The following HCN1 variants were observed in gnomAD, a reference collection of about 807,000 sequenced individuals.
The protein encoded by HCN1 is potassium/sodium hyperpolarization-activated cyclic nucleotide-gated channel 1.
A neutral mutation model predicts 78.9 loss-of-function variants in HCN1; 13 were observed. That is an observed-to-expected ratio of 0.16 (90% confidence interval 0.11 to 0.26). The LOEUF (loss-of-function observed/expected upper bound fraction) is 0.26, where lower values mean the gene tolerates loss of function less well. HCN1 is among the 10% of genes least tolerant of loss of function. The probability of loss-of-function intolerance (pLI) is 1.00; values close to 1 mark genes in which losing one functional copy is unlikely to be tolerated. For missense variants in HCN1, 810 were observed against 1,154.3 expected (o/e 0.70, Z 4.32); for synonymous variants, 552 against 455.5 (o/e 1.21, Z -2.70).
At position 45,497,031 on chromosome 5, in the gene HCN1, C is replaced by T. The variant is rs547507561; in HGVS notation, c.850-35024G>A. 2.0e-5 allele frequency among the ~76,000 whole-genome samples: 3 copies of T among 152,270 alleles called. No individual in the cohort carries two copies. In the East Asian group the frequency reaches 5.8e-4, roughly 29 times the overall value. On this transcript the variant is annotated intron_variant, in intron 2 of 7. Coordinates refer to ENST00000303230, the MANE Select transcript of HCN1 (RefSeq NM_021072.4). ...AGCGGCTTTGAGTGAGATTCTTAAT[C>T]CTGAGTTCTAGTTTGATTGCACTGT...
At chr5:45,413,253 G>A (rs573924487) in intron 3 of HCN1, among the ~76,000 whole-genome samples, 10 of 151,916 alleles carry the variant, frequency 6.6e-5, no homozygotes, top group Non-Finnish European at 1.2e-4. Flanking sequence ...TCCAAGCAAA[G>A]GAATAGAGTA....
chr5:45,347,501 C>A (rs947732021), intron 5 of HCN1, among the ~76,000 whole-genome samples: 1 of 152,188 alleles, frequency 6.6e-6, no homozygotes, highest in Non-Finnish European at 1.5e-5. Flanking sequence ...AGCAACGGAA[C>A]AAAGCTGGAT....
intron 5 of HCN1, among the ~76,000 whole-genome samples, chr5:45,331,339 A>C (rs976142528): frequency 4.6e-5 from 7 of 151,238 alleles, no homozygotes; most frequent in Non-Finnish European, 1.5e-5. Flanking sequence ...CTTCCTAGGG[A>C]ACAGACACTA....
At chr5:45,284,274 C>A (rs751095807) in intron 6 of HCN1, among the ~76,000 whole-genome samples, 2 of 151,936 alleles carry the variant, frequency 1.3e-5, no homozygotes, top group Non-Finnish European at 2.9e-5. Context: ...ACAGGTGCCC[C>A]TGAAATGAAA....
At chr5:45,469,006 C>T (rs527432032) in intron 2 of HCN1, among the ~76,000 whole-genome samples, 57 of 151,864 alleles carry the variant, frequency 3.8e-4, no homozygotes, top group African/African-American at 1.2e-3. Context: ...TACCAGCTGA[C>T]AACTTGGAAT....
chr5:45,294,062 AAATTGTTAATTTGATT>A (rs1226779503), intron 6 of HCN1, among the ~76,000 whole-genome samples: 4 of 151,994 alleles, frequency 2.6e-5, no homozygotes, highest in Non-Finnish European at 5.9e-5. Flanking sequence ...TGAGCTAATC[AAATTGTTAATTTGATT>A]AACTATCAAC....
intron 2 of HCN1, among the ~76,000 whole-genome samples, chr5:45,579,490 T>C (rs1048169603): frequency 2.0e-5 from 3 of 151,988 alleles, no homozygotes; most frequent in Non-Finnish European, 2.9e-5. Flanking sequence ...GTATCTACCA[T>C]GGTCTCGCAA....
chr5:45,305,807 A>T (rs1477903043), intron 5 of HCN1, among the ~76,000 whole-genome samples: 5 of 147,508 alleles, frequency 3.4e-5, no homozygotes, highest in Non-Finnish European at 6.0e-5. Context: ...GGAAAGAAGG[A>T]ATGAAGGAAG....
chr5:45,472,571 AGAAG>A (rs547555800), intron 2 of HCN1, among the ~76,000 whole-genome samples: 3,626 of 129,504 alleles, frequency 0.028, 179 homozygotes, highest in African/African-American at 0.093. Context: ...AGGAAAGGAA[AGAAG>A]GAAGGAAGGA....
intron 2 of HCN1, among the ~76,000 whole-genome samples, chr5:45,627,995 C>T (rs558619752): frequency 6.7e-4 from 102 of 152,204 alleles, no homozygotes; most frequent in Admixed American, 1.8e-3. Flanking sequence ...AAATTTTATT[C>T]GTGAATTCTA....
intron 3 of HCN1, among the ~76,000 whole-genome samples, chr5:45,410,122 G>C (rs1307224204): frequency 1.3e-5 from 2 of 151,906 alleles, no homozygotes; most frequent in Non-Finnish European, 2.9e-5. Flanking sequence ...AGTTTGCATA[G>C]ATCTCTTACA....
chr5:45,666,205 G>A (rs928333057), intron 1 of HCN1, among the ~76,000 whole-genome samples: 2 of 152,024 alleles, frequency 1.3e-5, no homozygotes, highest in South Asian at 2.1e-4. Context: ...GTGAAAATGA[G>A]GGGGTGGCAA....
chr5:45,358,749 G>A (rs1747056301), intron 4 of HCN1, among the ~76,000 whole-genome samples: 1 of 152,118 alleles, frequency 6.6e-6, no homozygotes. Context: ...CTTTTGTGGG[G>A]AGATTTGCAT....
Position 45,255,085 on chromosome 5 carries a change from A to G in HCN1, c.*6836T>C, listed in dbSNP as rs1225394358. On this transcript the variant is annotated 3_prime_UTR_variant, in exon 8 of 8. Coordinates refer to ENST00000303230, the MANE Select transcript of HCN1 (RefSeq NM_021072.4). ...GCTATGGCACCAAAATTTATGTGAC[A>G]TAAGGAAATTATAATACCTAACACA... 1 of 152,246 alleles carries G rather than the reference A, an allele frequency of 6.6e-6. No individual in the cohort carries two copies. 9.4% of individuals were successfully genotyped at this position (152,246 alleles called of 1,614,324 possible).
At chr5:45,618,169 G>A (rs1032940780) in intron 2 of HCN1, among the ~76,000 whole-genome samples, 12 of 152,038 alleles carry the variant, frequency 7.9e-5, no homozygotes, top group Non-Finnish European at 1.8e-4. Context: ...CATAAGTGCA[G>A]GAAGCCATTG....
At chr5:45,548,598 C>T (rs1227093948) in intron 2 of HCN1, among the ~76,000 whole-genome samples, 2 of 152,032 alleles carry the variant, frequency 1.3e-5, no homozygotes, top group East Asian at 1.9e-4. Flanking sequence ...GACAGGGATG[C>T]CCTCTCTCAC....
intron 5 of HCN1, among the ~76,000 whole-genome samples, chr5:45,321,784 T>C (rs1051189634): frequency 5.9e-5 from 9 of 151,876 alleles, no homozygotes; most frequent in African/African-American, 1.9e-4. Flanking sequence ...AGTTAAGGTA[T>C]ATTTTAAAAA....
chr5:45,557,516 G>T (rs920953601), intron 2 of HCN1, among the ~76,000 whole-genome samples: 3 of 151,984 alleles, frequency 2.0e-5, no homozygotes, highest in African/African-American at 7.2e-5. Context: ...ATTTTATGGT[G>T]CATGGCTTTA....
At chr5:45,577,063 G>A (rs892356814) in intron 2 of HCN1, among the ~76,000 whole-genome samples, 9 of 151,966 alleles carry the variant, frequency 5.9e-5, no homozygotes, top group African/African-American at 1.9e-4. Flanking sequence ...TCTTTATTTT[G>A]GAAGGGTTGG....
Sources: allele counts gnomAD v4.1 joint callset (sites outside exome capture counted in the v4.1 genomes callset), GRCh38; gene constraint gnomAD v4.1.1; transcripts MANE v1.5; gene names NCBI Gene and HGNC (gene_info 2026-07-23, HGNC 2026-07-21).